The following COL4A3 variants were observed in gnomAD, a reference collection of about 807,000 sequenced individuals.
The protein encoded by COL4A3 is collagen alpha-3(IV) chain.
In COL4A3, 135 loss-of-function variants were observed where a neutral mutation model predicts 217.4. The observed-to-expected ratio is 0.62, with a 90% confidence interval of 0.54 to 0.72. COL4A3 has a LOEUF of 0.72. COL4A3 is among the 30% of genes least tolerant of loss of function. The pLI, the probability that COL4A3 is intolerant of heterozygous loss-of-function variation, is 0.00. For synonymous variants in COL4A3, 690 were observed against 736.3 expected, an observed-to-expected ratio of 0.94 and a Z score of 1.02; for missense variants, 1,868 against 2,119.9, an observed-to-expected ratio of 0.88 and a Z score of 2.33.
intron 34 of COL4A3, among the ~76,000 whole-genome samples, chr2:227,287,039 A>G (rs1264469448): frequency 6.6e-6 from 1 of 152,146 alleles, no homozygotes; most frequent in African/African-American, 2.4e-5. Context: ...GTCCATAAAC[A>G]TTTTCCATTT....
At chr2:227,294,252 T>C in intron 38 of COL4A3, 1 of 524,726 alleles carries the variant, frequency 1.9e-6, no homozygotes, top group Non-Finnish European at 3.4e-6. Flanking sequence ...AAATCGCATA[T>C]TGAGTGGTGC....
At position 227,253,513 on chromosome 2, in the gene COL4A3, G is replaced by A. The variant is rs200575877; in HGVS notation, c.688-48G>A. 2.0e-6 allele frequency: 3 copies of A among 1,512,548 alleles called. No homozygotes were observed. The Admixed American group carries it at 5.0e-5, about 25-fold the overall frequency. 93.7% of individuals were successfully genotyped at this position (1,512,548 alleles called of 1,614,324 possible). ...CTTTCAAACGTAGTAACATTGAAATGTTGATGCTGTTGTTTATTTTCTCAC... is the reference window on the plus strand; with the variant it reads ...CTTTCAAACGTAGTAACATTGAAATATTGATGCTGTTGTTTATTTTCTCAC... On this transcript the variant is annotated intron_variant, in intron 12 of 51. Coordinates refer to ENST00000396578, the MANE Select transcript of COL4A3 (RefSeq NM_000091.5). The surrounding 1 kb of genome is among the most constrained non-coding windows in gnomAD (Gnocchi z 4.4).
chr2:227,247,462 G>T (rs1227637935), intron 7 of COL4A3, 96 bp from the exon 8 acceptor site: 2 of 1,118,730 alleles, frequency 1.8e-6, no homozygotes, highest in East Asian at 4.7e-5. Context: ...GTACAGTGGG[G>T]AGAGGATACA....
chr2:227,189,379 C>T (rs1175800275), intron 1 of COL4A3, among the ~76,000 whole-genome samples: 4 of 152,008 alleles, frequency 2.6e-5, no homozygotes, highest in Non-Finnish European at 4.4e-5. Flanking sequence ...TGGTGATCCC[C>T]GTGAGACAAG....
rs2066222815 is a variant in COL4A3, at chr2:227,191,103, A to G, written c.87+26290A>G. Among the ~76,000 whole-genome samples, 1 of 152,292 alleles carries G rather than the reference A, an allele frequency of 6.6e-6. No homozygotes were observed. Among genetic ancestry groups the G allele is most frequent in the South Asian group, 2.1e-4 (1 of 4,822 alleles). On this transcript the variant is annotated intron_variant, in intron 1 of 51. Coordinates refer to ENST00000396578, the MANE Select transcript of COL4A3 (RefSeq NM_000091.5). The surrounding 1 kb of genome is among the most constrained non-coding windows in gnomAD (Gnocchi z 6.8). ...TTTCTCTTAAAAATAGACTACATAAATAATACGTATATGGCCATGGAAACA... is the reference window on the plus strand; with the variant it reads ...TTTCTCTTAAAAATAGACTACATAAGTAATACGTATATGGCCATGGAAACA...
intron 21 of COL4A3, 143 bp downstream of exon 21, chr2:227,264,087 C>T (rs2070750940): frequency 2.2e-6 from 2 of 917,746 alleles, no homozygotes; most frequent in African/African-American, 3.3e-5. Context: ...CTTCATTTCA[C>T]TAACTGTCTG....
At position 227,244,310 on chromosome 2, in the gene COL4A3, T is replaced by C. The variant is rs368588606; in HGVS notation, c.235-10T>C. 44 of 1,613,728 alleles carry C rather than the reference T, an allele frequency of 2.7e-5. No individual in the cohort carries two copies. The highest frequency in any genetic ancestry group is 3.6e-5 in the Non-Finnish European group (42 of 1,179,814). On this transcript the variant is annotated splice_polypyrimidine_tract_variant and intron_variant, in intron 3 of 51. Transcript: ENST00000396578. ...GAGTGTTTACTTTTTCTTTTTTCAC[T>C]TGAATCTAGGGCTTTCCAGGACTTC... is the stretch of plus-strand genomic sequence containing the variant.
intron 1 of COL4A3, among the ~76,000 whole-genome samples, chr2:227,207,459 G>A (rs1254349238): frequency 6.6e-6 from 1 of 151,916 alleles, no homozygotes; most frequent in Non-Finnish European, 1.5e-5. Flanking sequence ...GCAGAGTCCA[G>A]TTAACAAGAG....
chr2:227,251,815 G>A (rs1294453978), intron 11 of COL4A3, among the ~76,000 whole-genome samples: 1 of 152,040 alleles, frequency 6.6e-6, no homozygotes, highest in Non-Finnish European at 1.5e-5. Context: ...ACACCTGTAA[G>A]CCCAGCACTT....
In COL4A3 at chr2:227,280,508, T is replaced by C. The variant is rs763393343; in HGVS notation, c.2292T>C (p.Ser764=). ...GTTTTCCAGGAGAAAGAGGCAATTC[T>C]GGGGAACATGGAGAAATTGGACTCC... ...TPGFPGERGN[S]GEHGEIGLPG... The change falls in exon 30 of 52, where the codon TCT becomes TCC. Residue 764 remains serine, a synonymous_variant. Transcript: ENST00000396578. The C allele has an allele frequency of 1.2e-6, 2 of 1,614,122 alleles. No homozygotes were observed. Among genetic ancestry groups the C allele is most frequent in the Admixed American group, 3.3e-5 (2 of 60,014 alleles).
chr2:227,219,993 C>T (rs1298356534), intron 1 of COL4A3, among the ~76,000 whole-genome samples: 1 of 151,990 alleles, frequency 6.6e-6, no homozygotes, highest in Admixed American at 6.6e-5. Context: ...ATTTCTTCAC[C>T]TTCCCTGGGG....
chr2:227,203,223 GTGTATATATGTGTATATATACATATA>G (rs2066882240), intron 1 of COL4A3, among the ~76,000 whole-genome samples: 1 of 19,410 alleles, frequency 5.2e-5, no homozygotes, highest in Admixed American at 7.3e-4. Flanking sequence ...ACACATATAT[GTGTATATATGTGTATATATACATATA>G]TGTATATATA....
At chr2:227,300,714 C>T (rs1477251012) in intron 43 of COL4A3, among the ~76,000 whole-genome samples, 3 of 152,126 alleles carry the variant, frequency 2.0e-5, no homozygotes, top group African/African-American at 7.2e-5. Flanking sequence ...ACAGAGACGG[C>T]CATTTTCACA....
intron 37 of COL4A3, 32 bp downstream of exon 37, chr2:227,290,918 G>A (rs937800625): frequency 6.3e-7 from 1 of 1,595,840 alleles, no homozygotes; most frequent in Non-Finnish European, 8.5e-7. Context: ...TTACATTTTA[G>A]TGGTGGAGTG....
In COL4A3 at chr2:227,277,305, C is replaced by T. The variant is rs759845467; in HGVS notation, c.2021-144C>T. On this transcript the variant is annotated intron_variant, in intron 27 of 51. Transcript: ENST00000396578. ...CTGCACTCCAGCCTGGGCGACAGAC[C>T]GAAACTCCATCAACAGGAAAAAAAA... The T allele has an allele frequency of 4.1e-5, 26 of 628,118 alleles. No individual in the cohort carries two copies. The Admixed American group carries it at 4.3e-4, about 10-fold the overall frequency. 38.9% of individuals were successfully genotyped at this position (628,118 alleles called of 1,614,324 possible).
At chr2:227,276,954 C>A (rs1319563293) in intron 27 of COL4A3, among the ~76,000 whole-genome samples, 2 of 152,166 alleles carry the variant, frequency 1.3e-5, no homozygotes, top group African/African-American at 4.8e-5. Context: ...TGACAAAATT[C>A]TTTGCAGTTC....
chr2:227,260,663 G>A (rs10195038), intron 19 of COL4A3, among the ~76,000 whole-genome samples: 15,788 of 152,196 alleles, frequency 0.1, 1,611 homozygotes, highest in African/African-American at 0.27. Flanking sequence ...TACACTTACT[G>A]TAAATCACTC....
intron 1 of COL4A3, among the ~76,000 whole-genome samples, chr2:227,187,166 A>G (rs2066063162): frequency 6.6e-6 from 1 of 152,194 alleles, no homozygotes; most frequent in African/African-American, 2.4e-5. Context: ...AGTTTAAAGC[A>G]CCCTACTCAG....
intron 1 of COL4A3, among the ~76,000 whole-genome samples, chr2:227,236,924 G>T (rs2068736402): frequency 6.6e-6 from 1 of 152,198 alleles, no homozygotes; most frequent in South Asian, 2.1e-4. Context: ...GCCTCCCAAA[G>T]TGCTGGGATG....
Sources: allele counts gnomAD v4.1 joint callset (sites outside exome capture counted in the v4.1 genomes callset), GRCh38; gene constraint gnomAD v4.1.1; non-coding constraint Gnocchi (gnomAD v3.1); transcripts MANE v1.5; gene names NCBI Gene and HGNC (gene_info 2026-07-23, HGNC 2026-07-21).